The following TMPRSS15 variants were observed in gnomAD, a reference collection of about 807,000 sequenced individuals.
TMPRSS15 encodes enteropeptidase.
TMPRSS15 carries 128 observed loss-of-function variants against 125.3 expected under a neutral mutation model. That is an observed-to-expected ratio of 1.02 (90% CI 0.89 to 1.18). The LOEUF (loss-of-function observed/expected upper bound fraction) is 1.18. Among genes scored for constraint, TMPRSS15 ranks in the 50% most tolerant of loss-of-function variants. TMPRSS15 has a pLI of 0.00. For synonymous variants in TMPRSS15, 446 were observed against 423.2 expected (o/e 1.05, Z -0.66); for missense variants, 1,283 against 1,212.7 (o/e 1.06, Z -0.86).
intron 1 of TMPRSS15, among the ~76,000 whole-genome samples, chr21:18,473,899 A>C (rs1374062212): frequency 6.6e-6 from 1 of 152,086 alleles, no homozygotes; most frequent in Non-Finnish European, 1.5e-5. Context: ...ATAATTTACT[A>C]TTCACTTTTT....
chr21:18,472,460 T>C (rs991531168), intron 1 of TMPRSS15, among the ~76,000 whole-genome samples: 2 of 32,174 alleles, frequency 6.2e-5, no homozygotes, highest in Non-Finnish European at 7.6e-5. Context: ...AAGAATTATA[T>C]ATATATATAT....
At chr21:18,424,923 TATGA>T (rs893527108) in intron 1 of TMPRSS15, among the ~76,000 whole-genome samples, 55 of 148,832 alleles carry the variant, frequency 3.7e-4, no homozygotes, top group Non-Finnish European at 6.4e-4. Flanking sequence ...TTATATTATA[TATGA>T]ATATTATATA....
At chr21:18,456,562 A>G (rs1042039359) in intron 1 of TMPRSS15, among the ~76,000 whole-genome samples, 1 of 152,106 alleles carries the variant, frequency 6.6e-6, no homozygotes, top group Non-Finnish European at 1.5e-5. Flanking sequence ...TTCCAGTAAG[A>G]TACTTAAACC....
At chr21:18,359,075 C>T (rs979152784) in intron 8 of TMPRSS15, among the ~76,000 whole-genome samples, 3 of 152,150 alleles carry the variant, frequency 2.0e-5, no homozygotes, top group East Asian at 3.9e-4. Flanking sequence ...CTCATCCTCA[C>T]TTTATTTCCC....
chr21:18,469,040 G>A (rs73198353), intron 1 of TMPRSS15, among the ~76,000 whole-genome samples: 10,701 of 152,112 alleles, frequency 0.07, 558 homozygotes, highest in Non-Finnish European at 0.087. Context: ...CATAAATACC[G>A]GAGGAAAAAG....
At position 18,382,289 on chromosome 21, in the gene TMPRSS15, T is replaced by C. The variant is rs145006675; in HGVS notation, c.496+1338A>G. 6.2e-4 allele frequency among the ~76,000 whole-genome samples: 95 copies of C among 152,278 alleles called. 1 individual carries two copies. In the East Asian group the frequency reaches 0.013, roughly 21 times the overall value. On this transcript the variant is annotated intron_variant, in intron 4 of 24. Coordinates refer to ENST00000284885, the MANE Select transcript of TMPRSS15 (RefSeq NM_002772.3). ...ATAAACCACCTGTTCTAGCTAATAA[T>C]AGCCAGTAGTAGTTTTCAGCTCATC...
Position 18,281,222 on chromosome 21 carries a change from C to T in TMPRSS15, c.2487-1G>A, listed in dbSNP as rs1253673565. 2 of 1,613,634 alleles carry T rather than the reference C, an allele frequency of 1.2e-6. No homozygotes were observed. The highest frequency in any genetic ancestry group is 1.7e-6 in the Non-Finnish European group (2 of 1,179,916). ...CCACTTGGATGGCTCTAAGTTTCTC[C>T]TGAAAATTGTAATGAAGAAATATGA... is the stretch of plus-strand genomic sequence containing the variant. On this transcript the variant is annotated splice_acceptor_variant, in intron 21 of 24. Coordinates refer to ENST00000284885, the MANE Select transcript of TMPRSS15 (RefSeq NM_002772.3). LOFTEE classifies it high-confidence loss of function.
At position 18,281,192 on chromosome 21, in the gene TMPRSS15, G is replaced by C; in HGVS notation, c.2516C>G (p.Ala839Gly). The C allele has an allele frequency of 6.2e-7, 1 of 1,614,044 alleles. No individual in the cohort carries two copies. Among genetic ancestry groups the C allele is most frequent in the Non-Finnish European group, 8.5e-7 (1 of 1,179,992 alleles). ...TGATTTCATATGCAGGCCTAGGATT[G>C]CTGTCCACTTGGATGGCTCTAAGTT... Reference protein sequence around the residue: ...GRNLEPSKWTAILGLHMKSNL... With the variant: ...GRNLEPSKWTGILGLHMKSNL... The change falls in exon 22 of 25, where the codon GCA (alanine) becomes GGA (glycine). Residue 839 changes from alanine (A) to glycine (G), a missense_variant. Physicochemically the swap from Ala to Gly is moderately conservative, Grantham distance 60. Transcript: ENST00000284885.
chr21:18,446,924 A>G (rs543978880), intron 1 of TMPRSS15, among the ~76,000 whole-genome samples: 1 of 152,268 alleles, frequency 6.6e-6, no homozygotes, highest in South Asian at 2.1e-4. Context: ...GGCAACAAAT[A>G]TAGACAAATG....
In TMPRSS15 at chr21:18,351,911, T is replaced by C. The variant is rs888298498; in HGVS notation, c.1171+992A>G. Among the ~76,000 whole-genome samples the C allele has an allele frequency of 3.3e-5, 5 of 152,108 alleles. No individual in the cohort carries two copies. The South Asian group carries it at 8.3e-4, about 25-fold the overall frequency. On this transcript the variant is annotated intron_variant, in intron 10 of 24. Transcript: ENST00000284885. ...CAACTTGGAAGTTTTGGACAGACTTTGTGGAAGTTACTGTATATGACCTGT... is the reference window on the plus strand; with the variant it reads ...CAACTTGGAAGTTTTGGACAGACTTCGTGGAAGTTACTGTATATGACCTGT...
chr21:18,425,923 AAACATT>A (rs1349928214), intron 1 of TMPRSS15, among the ~76,000 whole-genome samples: 1 of 152,162 alleles, frequency 6.6e-6, no homozygotes, highest in Admixed American at 6.5e-5. Flanking sequence ...ATAAATAGAA[AAACATT>A]AACATTGATT....
intron 1 of TMPRSS15, among the ~76,000 whole-genome samples, chr21:18,483,764 T>C (rs919304508): frequency 1.3e-5 from 2 of 151,938 alleles, no homozygotes; most frequent in African/African-American, 2.4e-5. Flanking sequence ...ATAGCATTTA[T>C]ACAAAAAATG....
rs138281423 is a variant in TMPRSS15, at chr21:18,477,967, G to A, written c.10+7832C>T. Reference sequence around the variant, plus strand: ...CCCAAGAGTGAAGGGACTTGAGGTGGCAAAAGTAAATAATGGCCATTTAAA... The same window carrying A: ...CCCAAGAGTGAAGGGACTTGAGGTGACAAAAGTAAATAATGGCCATTTAAA... On this transcript the variant is annotated intron_variant, in intron 1 of 7. Transcript: ENST00000422787. 1.8e-3 allele frequency among the ~76,000 whole-genome samples: 276 copies of A among 152,076 alleles called. 1 individual carries two copies. Among genetic ancestry groups the A allele is most frequent in the African/African-American group, 6.2e-3 (259 of 41,520 alleles).
intron 5 of TMPRSS15, among the ~76,000 whole-genome samples, 171 bp downstream of exon 5, chr21:18,379,112 T>C (rs1454716749): frequency 2.0e-5 from 3 of 152,130 alleles, no homozygotes; most frequent in Non-Finnish European, 4.4e-5. Flanking sequence ...TGTTGTTTAC[T>C]GTGGTGAAAT....
At chr21:18,353,620 A>T in intron 9 of TMPRSS15, 103 bp downstream of exon 9, 1 of 1,057,548 alleles carries the variant, frequency 9.5e-7, no homozygotes, top group Non-Finnish European at 1.4e-6. Context: ...GATACTCATT[A>T]TAAAATTACA....
At chr21:18,288,341 T>C (rs1046667341) in intron 21 of TMPRSS15, among the ~76,000 whole-genome samples, 1 of 152,032 alleles carries the variant, frequency 6.6e-6, no homozygotes, top group African/African-American at 2.4e-5. Flanking sequence ...GATGGCGCTG[T>C]GGGAGGCGGG....
At chr21:18,402,527 C>A (rs867964662) in intron 1 of TMPRSS15, among the ~76,000 whole-genome samples, 275 of 109,008 alleles carry the variant, frequency 2.5e-3, no homozygotes, top group African/African-American at 3.5e-3. Flanking sequence ...GACTCTATCT[C>A]AAAAAAAAAA....
intron 1 of TMPRSS15, among the ~76,000 whole-genome samples, chr21:18,419,766 AATAC>A (rs1198809252): frequency 4.6e-5 from 7 of 152,196 alleles, no homozygotes; most frequent in Admixed American, 4.6e-4. Context: ...GTAGGTGGAA[AATAC>A]ATCCTGCCCT....
At chr21:18,291,928 G>C (rs911450536) in intron 21 of TMPRSS15, among the ~76,000 whole-genome samples, 1 of 152,070 alleles carries the variant, frequency 6.6e-6, no homozygotes, top group African/African-American at 2.4e-5. Flanking sequence ...GCCTAGGAGA[G>C]CCAAAGTAAC....
Sources: allele counts gnomAD v4.1 joint callset (sites outside exome capture counted in the v4.1 genomes callset), GRCh38; gene constraint gnomAD v4.1.1; transcripts MANE v1.5; gene names NCBI Gene and HGNC (gene_info 2026-07-23, HGNC 2026-07-21).